THOC5: variants seen among roughly 807,000 people sequenced by gnomAD.
THOC5 encodes THO complex subunit 5.
In THOC5, 43 loss-of-function variants were observed where a neutral mutation model predicts 92.9. The observed-to-expected ratio is 0.46, with a 90% confidence interval of 0.36 to 0.60. THOC5 has a LOEUF of 0.60. Among genes scored for constraint, THOC5 ranks in the 20% least tolerant of loss-of-function variants. The pLI, the probability that THOC5 is intolerant of heterozygous loss-of-function variation, is 0.00. For missense variants in THOC5, 659 were observed against 849.4 expected (o/e 0.78, Z 2.79); for synonymous variants, 296 against 320.1 (o/e 0.92, Z 0.80).
chr22:29,517,094 A>G lies in THOC5; in HGVS notation c.1616T>C (p.Ile539Thr). The G allele has an allele frequency of 6.2e-7, 1 of 1,614,108 alleles. No individual in the cohort carries two copies. ...GTCCCCAGCCAGTCCCGCATCCACA[A>G]TGTCTTTGGTGAAGTGCAGCTCCTA... ...DYMELHFTKDIVDAGLAGDTN... is the reference protein window; with the variant it reads ...DYMELHFTKDTVDAGLAGDTN... The change falls in exon 17 of 20, where the codon ATT (isoleucine) becomes ACT (threonine). Residue 539 changes from isoleucine to threonine, a missense_variant. Ile to Thr is a moderately conservative substitution (Grantham distance 89). Transcript: ENST00000490103.
intron 14 of THOC5, among the ~76,000 whole-genome samples, chr22:29,519,743 C>T (rs538357183): frequency 1.3e-5 from 2 of 152,068 alleles, no homozygotes; most frequent in South Asian, 4.2e-4. Flanking sequence ...AGTGATTCTC[C>T]TGCCTCAGCC....
At chr22:29,541,295 C>T (rs1018753545) in intron 5 of THOC5, among the ~76,000 whole-genome samples, 8 of 151,822 alleles carry the variant, frequency 5.3e-5, no homozygotes, top group Non-Finnish European at 8.8e-5. Flanking sequence ...GGATCATTTG[C>T]AACCAGGAGT....
intron 5 of THOC5, among the ~76,000 whole-genome samples, chr22:29,541,150 A>G (rs145488862): frequency 1.1e-3 from 160 of 151,556 alleles, no homozygotes; most frequent in Middle Eastern, 3.5e-3. Context: ...ACGCCACCAC[A>G]CTCCAGCCTG....
intron 1 of THOC5, among the ~76,000 whole-genome samples, chr22:29,549,989 T>C (rs2064108845): frequency 1.3e-5 from 2 of 152,160 alleles, no homozygotes; most frequent in South Asian, 2.1e-4. Context: ...ATCATTTACC[T>C]GTCTTCCCAC....
intron 12 of THOC5, among the ~76,000 whole-genome samples, chr22:29,525,299 G>A (rs924214915): frequency 6.6e-5 from 10 of 152,054 alleles, no homozygotes; most frequent in African/African-American, 2.4e-4. Flanking sequence ...ATTAAAAAAA[G>A]AACACTGTAG....
intron 15 of THOC5, 71 bp from the exon 16 acceptor site, chr22:29,517,437 C>T (rs1487219957): frequency 1.9e-5 from 26 of 1,369,906 alleles, no homozygotes; most frequent in Non-Finnish European, 2.2e-5. Context: ...TAGCATCCTC[C>T]TGGGGCTCTC....
chr22:29,537,945 T>C (rs2063794078), intron 6 of THOC5, among the ~76,000 whole-genome samples: 1 of 152,234 alleles, frequency 6.6e-6, no homozygotes, highest in African/African-American at 2.4e-5. Flanking sequence ...TTTATTCATA[T>C]AGAAAAGTTT....
chr22:29,522,919 T>C (rs993591006), intron 12 of THOC5, among the ~76,000 whole-genome samples: 3 of 152,146 alleles, frequency 2.0e-5, no homozygotes, highest in African/African-American at 7.2e-5. Flanking sequence ...GAGAACTGCA[T>C]GAACCCAGGA....
intron 17 of THOC5, among the ~76,000 whole-genome samples, 159 bp downstream of exon 17, chr22:29,516,870 G>A (rs1227611622): frequency 2.0e-5 from 3 of 152,218 alleles, no homozygotes. Flanking sequence ...GTGTGACTGT[G>A]TTGCAGAATG....
rs1302908288 is a variant in THOC5, at chr22:29,519,055, C to T, written c.1440G>A (p.Lys480=). 2 of 1,611,310 alleles carry T rather than the reference C, an allele frequency of 1.2e-6. No individual in the cohort carries two copies. The highest frequency in any genetic ancestry group is 1.7e-6 in the Non-Finnish European group (2 of 1,178,780). ...SHMETTMKLL[K]TRVQSRLALH... is the part of the protein sequence containing the mutation. The stretch of plus-strand genomic sequence containing the variant: ...GGGCCAGGCGGGACTGCACCCTGGT[C>T]TTCAGAAGTTTCATGGTGGTCTCCA... Residue 480 remains lysine (K), a synonymous_variant, in exon 15 of 20, where the codon AAG becomes AAA. Coordinates refer to ENST00000490103, the MANE Select transcript of THOC5 (RefSeq NM_003678.5).
rs374484266 is a variant in THOC5 at position 29,520,151 on chromosome 22, T to C, written c.1278-47A>G. The C allele has an allele frequency of 1.9e-5, 30 of 1,556,152 alleles. No individual in the cohort carries two copies. In the East Asian group the frequency reaches 5.0e-4, roughly 26 times the overall value. On this transcript the variant is annotated intron_variant, in intron 13 of 19. Transcript: ENST00000490103. ...AAATTGTGCTGTAAGTCATTTCTGC[T>C]GTGGTCCCAGGATACAGCCTCCTCC...
chr22:29,551,723 CT>C (rs2064148732), intron 1 of THOC5, among the ~76,000 whole-genome samples: 2 of 151,968 alleles, frequency 1.3e-5, no homozygotes, highest in Non-Finnish European at 2.9e-5. Context: ...TGCACTCAGT[CT>C]TGACAACAGA....
At chr22:29,540,082 C>G (rs1265950761) in intron 5 of THOC5, among the ~76,000 whole-genome samples, 2 of 152,192 alleles carry the variant, frequency 1.3e-5, no homozygotes, top group Admixed American at 6.6e-5. Flanking sequence ...GAGTTCGAGA[C>G]CAGCCTGATC....
chr22:29,520,339 A>G (rs1035980414), intron 13 of THOC5, among the ~76,000 whole-genome samples: 2 of 152,216 alleles, frequency 1.3e-5, no homozygotes. Context: ...CCTTCAACTT[A>G]TAAGCAAATA....
chr22:29,539,977 T>C (rs567012257), intron 5 of THOC5, among the ~76,000 whole-genome samples: 3 of 152,282 alleles, frequency 2.0e-5, no homozygotes, highest in Admixed American at 6.5e-5. Context: ...GTGATTTATA[T>C]GTATAAAAGA....
At chr22:29,542,995 C>G (rs761822167) in intron 4 of THOC5, 39 bp from the exon 5 acceptor site, 9 of 1,471,510 alleles carry the variant, frequency 6.1e-6, no homozygotes, top group Non-Finnish European at 7.6e-6. Context: ...CAGGGCAAGT[C>G]AGGATGGAGC....
chr22:29,552,579 G>A lies in THOC5; in HGVS notation c.-12+1092C>T, dbSNP rs2064186570. Among the ~76,000 whole-genome samples, 3 of 150,192 alleles carry A rather than the reference G, an allele frequency of 2.0e-5. No homozygotes were observed. In the South Asian group the frequency reaches 6.3e-4, roughly 32 times the overall value. ...CCGCCCCGTCCGGGGGGGAGGTGGG[G>A]GCCAGCCCCAGCCCGGCCAGCCGCC... On this transcript the variant is annotated intron_variant, in intron 1 of 19. Coordinates refer to ENST00000490103, the MANE Select transcript of THOC5 (RefSeq NM_003678.5).
chr22:29,553,066 T>C (rs1249437114), intron 1 of THOC5, among the ~76,000 whole-genome samples: 1 of 151,940 alleles, frequency 6.6e-6, no homozygotes, highest in Non-Finnish European at 1.5e-5. Context: ...TCATCACCAC[T>C]CCCTAATCTC....
At chr22:29,531,146 G>A in intron 8 of THOC5, 1 of 1,154,430 alleles carries the variant, frequency 8.7e-7, no homozygotes, top group South Asian at 1.8e-5. Flanking sequence ...CAAAGGGGAG[G>A]GGAGGACCAG....
Sources: allele counts gnomAD v4.1 joint callset (sites outside exome capture counted in the v4.1 genomes callset), GRCh38; gene constraint gnomAD v4.1.1; transcripts MANE v1.5; gene names NCBI Gene and HGNC (gene_info 2026-07-23, HGNC 2026-07-21).